PIEZO2: variants seen among roughly 807,000 people sequenced by gnomAD.
PIEZO2 encodes piezo-type mechanosensitive ion channel component 2.
A neutral mutation model predicts 337.3 loss-of-function variants in PIEZO2; 172 were observed. That is an observed-to-expected ratio of 0.51 (90% confidence interval 0.45 to 0.58). The LOEUF (loss-of-function observed/expected upper bound fraction) is 0.58, where lower values mean the gene tolerates loss of function less well. Among genes scored for constraint, PIEZO2 ranks in the 20% least tolerant of loss-of-function variants. The pLI is 0.00. For missense variants in PIEZO2, 3,028 were observed against 3,391.3 expected, an observed-to-expected ratio of 0.89 and a Z score of 2.66; for synonymous variants, 1,251 against 1,228.5, an observed-to-expected ratio of 1.02 and a Z score of -0.38.
At chr18:10,689,049 G>A (rs191075935) in intron 49 of PIEZO2, among the ~76,000 whole-genome samples, 3 of 152,252 alleles carry the variant, frequency 2.0e-5, no homozygotes, top group Admixed American at 6.5e-5. Context: ...TTCAAGGAGG[G>A]TATTTTGAGA....
At chr18:10,812,024 G>A (rs1375835034) in intron 7 of PIEZO2, among the ~76,000 whole-genome samples, 12 of 152,222 alleles carry the variant, frequency 7.9e-5, no homozygotes, top group South Asian at 2.1e-4. Flanking sequence ...TAGTAGAGAC[G>A]GGGTTTCACC....
intron 7 of PIEZO2, among the ~76,000 whole-genome samples, chr18:10,848,656 A>G (rs1340757782): frequency 6.6e-6 from 1 of 152,226 alleles, no homozygotes; most frequent in East Asian, 1.9e-4. Context: ...TGAGCAAACA[A>G]GTCCGACCCC....
rs776642495 is a variant in PIEZO2 at position 10,705,464 on chromosome 18, C to A, written c.5871G>T (p.Ser1957=). The A allele has an allele frequency of 2.6e-6, 4 of 1,537,096 alleles. No homozygotes were observed. Among genetic ancestry groups the A allele is most frequent in the East Asian group, 2.4e-5 (1 of 40,912 alleles). Residue 1957 remains serine, a synonymous_variant, in exon 41 of 56, where the codon TCG becomes TCT. Coordinates refer to ENST00000674853, the MANE Select transcript of PIEZO2 (RefSeq NM_001378183.1). ...GGTTCTTGCCTGCAGAGTCGTCCTG[C>A]GAGCCGAAGGACAGATGCTCGAAGC... ...AVSFEHLSFG[S]QDDSAGKNRM...
intron 12 of PIEZO2, among the ~76,000 whole-genome samples, chr18:10,796,359 G>C (rs1192915525): frequency 8.8e-6 from 1 of 113,832 alleles, no homozygotes; most frequent in Non-Finnish European, 1.8e-5. Flanking sequence ...AACAGAGCAA[G>C]ACTCCATCTC....
At chr18:10,720,718 T>C (rs2036276524) in intron 36 of PIEZO2, among the ~76,000 whole-genome samples, 3 of 151,940 alleles carry the variant, frequency 2.0e-5, no homozygotes, top group Non-Finnish European at 2.9e-5. Flanking sequence ...TTGCTGAGAT[T>C]ACAGGCATAA....
chr18:10,978,151 T>C (rs2034520810), intron 3 of PIEZO2, among the ~76,000 whole-genome samples: 1 of 151,868 alleles, frequency 6.6e-6, no homozygotes, highest in Non-Finnish European at 1.5e-5. Context: ...TGAAACAGTG[T>C]CTCTACTAAA....
At chr18:10,747,031 T>A (rs1174193428) in intron 30 of PIEZO2, among the ~76,000 whole-genome samples, 1 of 152,106 alleles carries the variant, frequency 6.6e-6, no homozygotes, top group Non-Finnish European at 1.5e-5. Flanking sequence ...GAGTTGGCAG[T>A]GAAAAAATGA....
intron 2 of PIEZO2, among the ~76,000 whole-genome samples, chr18:10,996,696 G>T (rs2035334624): frequency 6.6e-6 from 1 of 152,036 alleles, no homozygotes; most frequent in African/African-American, 2.4e-5. Context: ...TTATTCCATT[G>T]TATGCAGGGA....
intron 7 of PIEZO2, among the ~76,000 whole-genome samples, chr18:10,852,101 C>T (rs187992400): frequency 6.6e-6 from 1 of 152,112 alleles, no homozygotes; most frequent in African/African-American, 2.4e-5. Context: ...AAAAATTAAA[C>T]GTTTAAAGGA....
At position 10,724,812 on chromosome 18, in the gene PIEZO2, G is replaced by C. The variant is rs1456155896; in HGVS notation, c.5030-6553C>G. 1.3e-6 allele frequency: 2 copies of C among 1,592,124 alleles called. No individual in the cohort carries two copies. The highest frequency in any genetic ancestry group is 2.3e-5 in the South Asian group (2 of 88,106). Reference sequence around the variant, plus strand: ...TGCAGCCCCAGCCTGAGCAGCAGTCGTTCTCACAGATGCACCTGGGCCACG... The same window carrying C: ...TGCAGCCCCAGCCTGAGCAGCAGTCCTTCTCACAGATGCACCTGGGCCACG... On this transcript the variant is annotated intron_variant, in intron 36 of 55. Transcript: ENST00000674853. This position sits in a 1 kb window ranked among gnomAD's most constrained non-coding sequence, Gnocchi z 5.8.
chr18:10,921,308 C>A (rs1248606095), intron 3 of PIEZO2, among the ~76,000 whole-genome samples: 3 of 152,026 alleles, frequency 2.0e-5, no homozygotes, highest in South Asian at 4.1e-4. Flanking sequence ...AAGTTAGGGA[C>A]CCCAAACAGA....
rs975462768 is a variant in PIEZO2 at position 10,857,038 on chromosome 18, A to C, written c.666T>G (p.Ala222=). Residue 222 remains alanine, a synonymous_variant, in exon 6 of 56, where the codon GCT becomes GCG. Transcript: ENST00000674853. ...KEFIGNMITT[A]GKVVVTILLG... The stretch of plus-strand genomic sequence containing the variant: ...GTAAGATGGTAACAACGACTTTCCC[A>C]GCAGTGGTGATCATGTTGCCAATGA... 6.5e-7 allele frequency: 1 copy of C among 1,537,346 alleles called. No individual in the cohort carries two copies. Among genetic ancestry groups the C allele is most frequent in the East Asian group, 2.4e-5 (1 of 40,918 alleles).
In PIEZO2 at chr18:11,036,079, T is replaced by A. The variant is rs7236949; in HGVS notation, c.160+30048A>T. On this transcript the variant is annotated intron_variant, in intron 2 of 55. Transcript: ENST00000674853. ...ACCTAATTAGAGGCCCAGGTCACAGTTCATAGGAGATTCTAATGTGCCTGC... is the reference window on the plus strand; with the variant it reads ...ACCTAATTAGAGGCCCAGGTCACAGATCATAGGAGATTCTAATGTGCCTGC... 7.5e-3 allele frequency among the ~76,000 whole-genome samples: 1,147 copies of A among 152,304 alleles called. 21 individuals are homozygous for A. Among genetic ancestry groups the A allele is most frequent in the African/African-American group, 0.026 (1,087 of 41,556 alleles).
At chr18:10,933,077 C>A (rs1052334230) in intron 3 of PIEZO2, among the ~76,000 whole-genome samples, 3 of 152,052 alleles carry the variant, frequency 2.0e-5, no homozygotes, top group African/African-American at 7.2e-5. Flanking sequence ...AGGCAAAGAA[C>A]CCTATTAGCC....
chr18:10,943,839 A>T lies in PIEZO2; in HGVS notation c.287-32611T>A, dbSNP rs1040222243. On this transcript the variant is annotated intron_variant, in intron 3 of 55. Coordinates refer to ENST00000674853, the MANE Select transcript of PIEZO2 (RefSeq NM_001378183.1). This position sits in a 1 kb window ranked among gnomAD's most constrained non-coding sequence, Gnocchi z 4.5. ...GGACCCGGTGGGAGATGACTGAATC[A>T]TGGGAGCAAGTCTTTCCAGTGCTGT... Among the ~76,000 whole-genome samples, 1 of 152,156 alleles carries T rather than the reference A, an allele frequency of 6.6e-6. No homozygotes were observed. Among genetic ancestry groups the T allele is most frequent in the Non-Finnish European group, 1.5e-5 (1 of 68,026 alleles).
At chr18:10,705,882 T>G in intron 40 of PIEZO2, 136 bp from the exon 41 acceptor site, 1 of 1,144,586 alleles carries the variant, frequency 8.7e-7, no homozygotes, top group South Asian at 1.7e-5. Flanking sequence ...ATCTGCTTTG[T>G]TCTTTTAGGA....
chr18:10,883,859 G>A (rs530683504), intron 4 of PIEZO2, among the ~76,000 whole-genome samples: 162 of 134,256 alleles, frequency 1.2e-3, no homozygotes, highest in Non-Finnish European at 1.9e-3. Context: ...CGCCTAGGCT[G>A]GAGTGCAGTG....
intron 32 of PIEZO2, among the ~76,000 whole-genome samples, chr18:10,741,851 C>T (rs2037230530): frequency 6.6e-6 from 1 of 151,830 alleles, no homozygotes. Flanking sequence ...AAATATATCC[C>T]TTAAAGAAAC....
chr18:11,140,514 C>T (rs1204665062), intron 1 of PIEZO2, among the ~76,000 whole-genome samples: 1 of 152,180 alleles, frequency 6.6e-6, no homozygotes, highest in African/African-American at 2.4e-5. Flanking sequence ...TTGAGAAAAT[C>T]ATGTTATTTT....
Sources: allele counts gnomAD v4.1 joint callset (sites outside exome capture counted in the v4.1 genomes callset), GRCh38; gene constraint gnomAD v4.1.1; non-coding constraint Gnocchi (gnomAD v3.1); transcripts MANE v1.5; gene names NCBI Gene and HGNC (gene_info 2026-07-23, HGNC 2026-07-21).